The following CPLANE1 variants were observed in gnomAD, a reference collection of about 807,000 sequenced individuals.
The protein encoded by CPLANE1 is ciliogenesis and planar polarity effector complex subunit 1.
CPLANE1 carries 263 observed loss-of-function variants against 362.5 expected under a neutral mutation model. The observed-to-expected ratio is 0.73, with a 90% CI of 0.66 to 0.80. The LOEUF (loss-of-function observed/expected upper bound fraction) is 0.80. CPLANE1 is among the 30% of genes least tolerant of loss of function. The pLI is 0.00. For synonymous variants in CPLANE1, 1,212 were observed against 1,302.6 expected (o/e 0.93, Z 1.50); for missense variants, 3,461 against 3,793.4 (o/e 0.91, Z 2.30).
intron 20 of CPLANE1, among the ~76,000 whole-genome samples, chr5:37,196,741 A>G (rs756070362): frequency 2.6e-5 from 4 of 152,164 alleles, no homozygotes; most frequent in African/African-American, 9.7e-5. Context: ...CCCGGCCAAC[A>G]TGGTGAAACT....
chr5:37,242,170 T>G (rs181558365), intron 6 of CPLANE1, among the ~76,000 whole-genome samples: 8 of 151,908 alleles, frequency 5.3e-5, no homozygotes, highest in Admixed American at 1.3e-4. Context: ...CTGACTAACA[T>G]GGTGAAACCC....
At chr5:37,231,399 G>A (rs1012939857) in intron 8 of CPLANE1, among the ~76,000 whole-genome samples, 6 of 152,054 alleles carry the variant, frequency 3.9e-5, no homozygotes, top group African/African-American at 7.2e-5. Context: ...GGCCAACACC[G>A]TCTCTACAAA....
At position 37,122,506 on chromosome 5, in the gene CPLANE1, A is replaced by G; in HGVS notation, c.8959-18T>C. 1 of 1,598,740 alleles carries G rather than the reference A, an allele frequency of 6.3e-7. No individual in the cohort carries two copies. The highest frequency in any genetic ancestry group is 8.5e-7 in the Non-Finnish European group (1 of 1,169,680). The stretch of plus-strand genomic sequence containing the variant: ...ATGTAAAGCTGCATAAAAAATACCC[A>G]GTTGGTTCATTATTGTTCAATCCAA... On this transcript the variant is annotated intron_variant, in intron 47 of 52. Transcript: ENST00000651892.
chr5:37,231,304 G>A (rs1380875944), intron 8 of CPLANE1, among the ~76,000 whole-genome samples: 3 of 152,168 alleles, frequency 2.0e-5, no homozygotes, highest in Non-Finnish European at 4.4e-5. Flanking sequence ...ATTCGGCCAG[G>A]CACCGTGGCT....
chr5:37,219,782 T>G (rs74318155), intron 15 of CPLANE1, among the ~76,000 whole-genome samples: 8,088 of 152,148 alleles, frequency 0.053, 669 homozygotes, highest in African/African-American at 0.18. Flanking sequence ...AATTTTAAAT[T>G]TATAAGACTA....
intron 46 of CPLANE1, among the ~76,000 whole-genome samples, chr5:37,136,481 T>C (rs1294690874): frequency 6.6e-6 from 1 of 152,214 alleles, no homozygotes; most frequent in Non-Finnish European, 1.5e-5. Context: ...TCCAGGCACA[T>C]GGTGCAAGCT....
At chr5:37,201,477 C>T (rs889339179) in intron 19 of CPLANE1, 114 bp downstream of exon 19, 6 of 776,870 alleles carry the variant, frequency 7.7e-6, no homozygotes, top group African/African-American at 1.8e-5. Flanking sequence ...GGGATCTATA[C>T]GTTTGTCTTT....
intron 50 of CPLANE1, 63 bp from the exon 51 acceptor site, chr5:37,115,112 G>A (rs1195660986): frequency 9.4e-7 from 1 of 1,060,746 alleles, no homozygotes; most frequent in Non-Finnish European, 1.4e-6. Flanking sequence ...TATATATTGT[G>A]AGTTATTTGA....
intron 5 of CPLANE1, among the ~76,000 whole-genome samples, chr5:37,243,753 TAA>T (rs1426057744): frequency 1.4e-5 from 2 of 147,170 alleles, no homozygotes; most frequent in Non-Finnish European, 3.0e-5. Context: ...AATATGCATA[TAA>T]TATATATAAT....
chr5:37,139,925 T>C (rs1005769056), intron 44 of CPLANE1: 19 of 985,314 alleles, frequency 1.9e-5, no homozygotes, highest in Admixed American at 1.8e-4. Context: ...CTTTGCTTAG[T>C]ACACAGTTTA....
rs759061908 is a variant in CPLANE1 at position 37,198,558 on chromosome 5, G to C, written c.3672+144C>G. ...CTCACCTTTCAACAGGAAGAATCTG[G>C]TCTGTTTGTTTATGAATAAATCTGA... On this transcript the variant is annotated intron_variant, in intron 20 of 52. Coordinates refer to ENST00000651892, the MANE Select transcript of CPLANE1 (RefSeq NM_001384732.1). The C allele has an allele frequency of 6.6e-6, 5 of 752,064 alleles. No homozygotes were observed. The East Asian group carries it at 1.1e-4, about 17-fold the overall frequency. The allele number at this position is 752,064 out of a possible 1,614,324, so 46.6% of individuals were successfully genotyped here. A position where few individuals can be genotyped will look rare whatever the true frequency, so the allele number is the denominator to read the frequency against.
intron 24 of CPLANE1, 33 bp from the exon 25 acceptor site, chr5:37,185,112 C>A (rs766138914): frequency 1.9e-6 from 3 of 1,554,664 alleles, no homozygotes; most frequent in South Asian, 1.3e-5. Flanking sequence ...TCTTAGTGTT[C>A]ATTAAAATAT....
chr5:37,164,291 C>A lies in CPLANE1; in HGVS notation c.7570G>T (p.Asp2524Tyr). ...QEHCGSHPLD[D>Y]FDVPFEMLQD... ...TACATACCAAAAGGAACGTCGAAGT[C>A]ATCCAAAGGATGGGAACCACAATGT... Residue 2524 changes from aspartate to tyrosine, a missense_variant, in exon 37 of 53, where the codon GAC becomes TAC. Physicochemically the swap from Asp to Tyr is radical, Grantham distance 160. Transcript: ENST00000651892. The A allele has an allele frequency of 6.2e-7, 1 of 1,613,096 alleles. No homozygotes were observed. The highest frequency in any genetic ancestry group is 1.1e-5 in the South Asian group (1 of 91,056).
chr5:37,125,093 T>C, intron 47 of CPLANE1, 151 bp downstream of exon 47: 1 of 1,379,510 alleles, frequency 7.2e-7, no homozygotes, highest in Non-Finnish European at 9.6e-7. Context: ...AGATAATTTA[T>C]TAACTTTTCC....
At chr5:37,201,543 G>A (rs781521601) in intron 19 of CPLANE1, 48 bp downstream of exon 19, 1 of 1,466,998 alleles carries the variant, frequency 6.8e-7, no homozygotes, top group Middle Eastern at 1.8e-4. Context: ...TTAAAAACTT[G>A]ACAAAATCAA....
chr5:37,139,421 A>C (rs1293822312), intron 44 of CPLANE1, 51 bp from the exon 45 acceptor site: 1 of 1,132,074 alleles, frequency 8.8e-7, no homozygotes, highest in Non-Finnish European at 1.2e-6. Flanking sequence ...TTTTGCTTTC[A>C]ATTGTTAATC....
intron 46 of CPLANE1, 166 bp downstream of exon 46, chr5:37,138,554 A>T: frequency 1.3e-6 from 1 of 776,034 alleles, no homozygotes; most frequent in Non-Finnish European, 2.3e-6. Flanking sequence ...ATATATTGTT[A>T]GAGAAAAGGG....
the CPLANE1 span, among the ~76,000 whole-genome samples, chr5:37,099,716 C>T: frequency 0.014 from 2,105 of 152,248 alleles, 52 homozygotes; most frequent in African/African-American, 0.048. Context: ...GGAATCACAC[C>T]ACACTGTCTT....
rs563916668 is a variant in CPLANE1 at position 37,173,932 on chromosome 5, T to A, written c.5994A>T (p.Thr1998=). The A allele has an allele frequency of 6.2e-7, 1 of 1,613,992 alleles. No homozygotes were observed. ...GAACTGAGGAAGATTTTTCTTTATA[T>A]GTAGAAATCTGTGCACTGCGTGGAA... ...SSEISSAQIS[T]YKEKSSSVPL... Residue 1998 remains threonine (T), a synonymous_variant, in exon 32 of 53, where the codon ACA becomes ACT. Transcript: ENST00000651892.
Sources: allele counts gnomAD v4.1 joint callset (sites outside exome capture counted in the v4.1 genomes callset), GRCh38; gene constraint gnomAD v4.1.1; transcripts MANE v1.5; gene names NCBI Gene and HGNC (gene_info 2026-07-23, HGNC 2026-07-21).